HOXA10: variants seen among roughly 807,000 people sequenced by gnomAD.
HOXA10 encodes the protein homeobox A10.
A neutral mutation model predicts 29.7 loss-of-function variants in HOXA10; 12 were observed. That is an observed-to-expected ratio of 0.40 (90% CI 0.26 to 0.65). The LOEUF (loss-of-function observed/expected upper bound fraction) is 0.65, where lower values mean the gene tolerates loss of function less well. HOXA10 is among the 30% of genes least tolerant of loss of function. The probability of loss-of-function intolerance (pLI) is 0.37; values close to 1 mark genes in which losing one functional copy is unlikely to be tolerated. For missense variants in HOXA10, 656 were observed against 585.9 expected (o/e 1.12, Z -1.24); for synonymous variants, 327 against 280.7 (o/e 1.16, Z -1.65).
upstream of HOXA10, chr7:27,174,433 TCTCCGAGGGCGCC>T: frequency 6.8e-7 from 1 of 1,471,994 alleles, no homozygotes; most frequent in Non-Finnish European, 9.1e-7. Context: ...GCGGGGCCGC[TCTCCGAGGGCGCC>T]CTCAGAGCCC....
upstream of HOXA10, among the ~76,000 whole-genome samples, chr7:27,176,759 A>G (rs1450410394): frequency 6.6e-6 from 1 of 152,258 alleles, no homozygotes; most frequent in Non-Finnish European, 1.5e-5. Context: ...TATTTGAGAT[A>G]GTGGAGGCTA....
rs955872624 is a variant in HOXA10 at position 27,172,444 on chromosome 7, A to G, written c.959-271T>C. The stretch of plus-strand genomic sequence containing the variant: ...TTAGCGCTAAGCCGTAGATGCTTGC[A>G]GAAGGAAAGGCCTGGGAGGGCAGGC... On this transcript the variant is annotated intron_variant, in intron 1 of 1. Coordinates refer to ENST00000283921, the MANE Select transcript of HOXA10 (RefSeq NM_018951.4). 6 of 538,596 alleles carry G rather than the reference A, an allele frequency of 1.1e-5. No homozygotes were observed. In the African/African-American group the frequency reaches 1.1e-4, roughly 10 times the overall value. The allele number at this position is 538,596 out of a possible 1,614,324, so 33.4% of individuals were successfully genotyped here. A position where few individuals can be genotyped will look rare whatever the true frequency, so the allele number is the denominator to read the frequency against.
chr7:27,174,588 G>T, upstream of HOXA10: 2 of 510,202 alleles, frequency 3.9e-6, no homozygotes, highest in Non-Finnish European at 6.9e-6. Flanking sequence ...GGCTCGCCCC[G>T]CCCCTACCCG....
At chr7:27,172,258 A>G (rs1262656884) in intron 1 of HOXA10, 85 bp from the exon 2 acceptor site, 57 of 1,346,866 alleles carry the variant, frequency 4.2e-5, no homozygotes, top group South Asian at 3.5e-4. Flanking sequence ...CGTTTCTCCC[A>G]TAAGAGAGAT....
At chr7:27,174,333 A>G (rs776849742), upstream of HOXA10, 5 of 1,596,820 alleles carry the variant, frequency 3.1e-6, no homozygotes, top group East Asian at 4.5e-5. Flanking sequence ...GCTGAATACG[A>G]TTAGCAATCC....
upstream of HOXA10, among the ~76,000 whole-genome samples, chr7:27,175,398 C>T (rs914662944): frequency 1.3e-5 from 2 of 152,228 alleles, no homozygotes; most frequent in Admixed American, 1.3e-4. Context: ...TCTGTCCCCT[C>T]CCCTCTTCCC....
upstream of HOXA10, among the ~76,000 whole-genome samples, chr7:27,179,148 A>C (rs1783705404): frequency 6.6e-6 from 1 of 152,208 alleles, no homozygotes. Context: ...TTCGGAACAA[A>C]GGTTTTCTCC....
rs1398011349 is a variant in HOXA10 at position 27,174,234 on chromosome 7, C to G, written c.73G>C (p.Ala25Pro). The G allele has an allele frequency of 6.2e-7, 1 of 1,600,236 alleles. No homozygotes were observed. Among genetic ancestry groups the G allele is most frequent in the Non-Finnish European group, 8.5e-7 (1 of 1,179,836 alleles). ...PTTMSCSESP[A>P]ANSFLVDSLI... ...GAGTCGACCAAAAAAGAGTTCGCGGCGGGGCTCTCCGAGCATGACATTGTT... is the reference window on the plus strand; with the variant it reads ...GAGTCGACCAAAAAAGAGTTCGCGGGGGGGCTCTCCGAGCATGACATTGTT... Residue 25 changes from alanine (A) to proline (P), a missense_variant, in exon 1 of 2, where the codon GCC becomes CCC. Ala to Pro is a conservative substitution (Grantham distance 27, BLOSUM62 -1). Around this residue, in one of 2 missense-constraint regions of HOXA10, gnomAD observed 594 missense variants for 491.9 expected, o/e 1.21. Transcript: ENST00000283921.
In HOXA10 at chr7:27,171,250, T is replaced by A; in HGVS notation, c.*649A>T. 2.2e-6 allele frequency: 1 copy of A among 454,134 alleles called. No homozygotes were observed. Among genetic ancestry groups the A allele is most frequent in the Non-Finnish European group, 4.4e-6 (1 of 226,786 alleles). The allele number at this position is 454,134 out of a possible 1,614,324, so 28.1% of individuals were successfully genotyped here. A position where few individuals can be genotyped will look rare whatever the true frequency, so the allele number is the denominator to read the frequency against. ...TTTTTTTCTTTTTAAAGCTGGGATA[T>A]CTTACAGAGGAAGGAAAAATTAACC... On this transcript the variant is annotated 3_prime_UTR_variant, in exon 2 of 2. Coordinates refer to ENST00000283921, the MANE Select transcript of HOXA10 (RefSeq NM_018951.4).
chr7:27,171,241 G>C lies in HOXA10; in HGVS notation c.*658C>G, dbSNP rs1446030392. ...GTAATTCTTTTTTTTTCTTTTTAAA[G>C]CTGGGATATCTTACAGAGGAAGGAA... On this transcript the variant is annotated 3_prime_UTR_variant, in exon 2 of 2. Transcript: ENST00000283921. 2 of 453,874 alleles carry C rather than the reference G, an allele frequency of 4.4e-6. No individual in the cohort carries two copies. The highest frequency in any genetic ancestry group is 4.7e-5 in the Admixed American group (2 of 42,548). The allele number at this position is 453,874 out of a possible 1,614,324, so 28.1% of individuals were successfully genotyped here.
intron 1 of HOXA10, chr7:27,172,809 C>T (rs1783534530): frequency 6.1e-6 from 1 of 163,064 alleles, no homozygotes; most frequent in Non-Finnish European, 1.3e-5. Flanking sequence ...GCTTCCAGGC[C>T]GGATTTGCCT....
Position 27,170,664 on chromosome 7 carries a change from GC to G in HOXA10, c.*1234del, listed in dbSNP as rs1783451096. On this transcript the variant is annotated 3_prime_UTR_variant, in exon 2 of 2. Transcript: ENST00000283921. The stretch of plus-strand genomic sequence containing the variant: ...ACATCGTCTTTTTCCACGCACAGCA[GC>G]AATACAATATTAATTTATTCTGATT... The G allele has an allele frequency of 2.5e-6, 1 of 393,354 alleles. No individual in the cohort carries two copies. The highest frequency in any genetic ancestry group is 2.1e-5 in the African/African-American group (1 of 47,338). The allele number at this position is 393,354 out of a possible 1,614,324, so 24.4% of individuals were successfully genotyped here.
At chr7:27,179,077 C>T (rs1433439706), upstream of HOXA10, among the ~76,000 whole-genome samples, 3 of 152,240 alleles carry the variant, frequency 2.0e-5, no homozygotes, top group African/African-American at 7.2e-5. Context: ...TCCAAGTATG[C>T]AACACAGAGA....
chr7:27,177,098 C>G (rs1278225427), upstream of HOXA10, among the ~76,000 whole-genome samples: 2 of 152,212 alleles, frequency 1.3e-5, no homozygotes, highest in Non-Finnish European at 2.9e-5. Flanking sequence ...ATCCAGGGAC[C>G]TGCACGTGCC....
Position 27,171,829 on chromosome 7 carries a change from G to T in HOXA10, c.*70C>A. The T allele has an allele frequency of 1.3e-6, 2 of 1,521,050 alleles. No individual in the cohort carries two copies. The highest frequency in any genetic ancestry group is 1.8e-6 in the Non-Finnish European group (2 of 1,096,062). The allele number at this position is 1,521,050 out of a possible 1,614,324, so 94.2% of individuals were successfully genotyped here. Reference sequence around the variant, plus strand: ...CTCCAGCACAGGTGCGAGTTCCTGGGCAGAGCCTGAAGACAGAGGGAGGGG... The same window carrying T: ...CTCCAGCACAGGTGCGAGTTCCTGGTCAGAGCCTGAAGACAGAGGGAGGGG... On this transcript the variant is annotated 3_prime_UTR_variant, in exon 2 of 2. Coordinates refer to ENST00000283921, the MANE Select transcript of HOXA10 (RefSeq NM_018951.4).
At chr7:27,173,084 G>C (rs973757653) in intron 1 of HOXA10, 67 of 558,450 alleles carry the variant, frequency 1.2e-4, no homozygotes, top group African/African-American at 1.2e-3. Context: ...GCACAGGAGG[G>C]GGCCTGCTCG....
chr7:27,173,423 G>A lies in HOXA10; in HGVS notation c.884C>T (p.Ser295Leu), dbSNP rs1448466201. ...GGAGAGCTCCTCCGCGGCCGAGGAC[G>A]ACGCGTGCGCCTCCTCGTCGCCCTG... ...GSQGDEEAHA[S>L]SSAAEELSPA... The change falls in exon 1 of 2, where the codon TCG (serine) becomes TTG (leucine). Residue 295 changes from serine to leucine, a missense_variant. By Grantham distance (145) the Ser-to-Leu change is moderately radical. Transcript: ENST00000283921. The A allele has an allele frequency of 1.9e-6, 3 of 1,605,834 alleles. No homozygotes were observed. Among genetic ancestry groups the A allele is most frequent in the South Asian group, 1.1e-5 (1 of 90,314 alleles).
At position 27,171,397 on chromosome 7, in the gene HOXA10, C is replaced by G. The variant is rs939980602; in HGVS notation, c.*502G>C. 2 of 454,836 alleles carry G rather than the reference C, an allele frequency of 4.4e-6. No homozygotes were observed. Among genetic ancestry groups the G allele is most frequent in the African/African-American group, 2.0e-5 (1 of 50,020 alleles). The allele number at this position is 454,836 out of a possible 1,614,324, so 28.2% of individuals were successfully genotyped here. The stretch of plus-strand genomic sequence containing the variant: ...AGAAAGGAAGAAAGAAAAAAGAAAC[C>G]CAGGGGCCTGTATCCCCTGATTAAA... On this transcript the variant is annotated 3_prime_UTR_variant, in exon 2 of 2. Coordinates refer to ENST00000283921, the MANE Select transcript of HOXA10 (RefSeq NM_018951.4).
At chr7:27,179,599 CACTCCCG>C (rs776073375) in intron 1 of HOXA10, 1 of 769,348 alleles carries the variant, frequency 1.3e-6, no homozygotes, top group Non-Finnish European at 2.4e-6. Context: ...GCCACCTCCC[CACTCCCG>C]CCCCACCAGA....
Sources: gnomAD v4.1 joint callset for allele counts (sites outside exome capture counted in the v4.1 genomes callset) on GRCh38, gnomAD v4.1.1 for gene constraint, gnomAD v4.1.1 regional missense constraint, MANE v1.5 for transcripts, NCBI Gene and HGNC (gene_info 2026-07-23, HGNC 2026-07-21) for gene names.